The following MAPK10 variants were observed in gnomAD, a reference collection of about 807,000 sequenced individuals.
The protein encoded by MAPK10 is JNK3 alpha protein kinase.
A neutral mutation model predicts 59.3 loss-of-function variants in MAPK10; 25 were observed. The observed-to-expected ratio is 0.42, with a 90% CI of 0.31 to 0.59. The LOEUF is 0.59. MAPK10 is among the 20% of genes least tolerant of loss of function. MAPK10 has a pLI of 0.15. For synonymous variants in MAPK10, 190 were observed against 200.5 expected (o/e 0.95, Z 0.44); for missense variants, 351 against 568.9 (o/e 0.62, Z 3.90).
intron 1 of MAPK10, among the ~76,000 whole-genome samples, chr4:86,499,147 C>A (rs887504791): frequency 1.3e-5 from 2 of 152,184 alleles, no homozygotes; most frequent in Non-Finnish European, 2.9e-5. Context: ...AAACTCCTCC[C>A]AAAATCAGTG....
At chr4:86,589,990 A>G (rs1762919289) in intron 1 of MAPK10, among the ~76,000 whole-genome samples, 1 of 152,020 alleles carries the variant, frequency 6.6e-6, no homozygotes, top group Non-Finnish European at 1.5e-5. Context: ...TCTTAAAAAA[A>G]AAAAAAAAAG....
chr4:86,477,869 C>T (rs935842562), intron 1 of MAPK10, among the ~76,000 whole-genome samples: 10 of 152,296 alleles, frequency 6.6e-5, no homozygotes, highest in Non-Finnish European at 1.0e-4. Flanking sequence ...TTGCACCCTT[C>T]GTCCCAGCCT....
chr4:86,134,556 C>A (rs2061555176), intron 4 of MAPK10, among the ~76,000 whole-genome samples: 1 of 152,158 alleles, frequency 6.6e-6, no homozygotes, highest in South Asian at 2.1e-4. Context: ...AAGCTGATAA[C>A]AACATTCAGT....
chr4:86,345,169 T>C (rs1278330072), intron 2 of MAPK10, among the ~76,000 whole-genome samples: 5 of 152,328 alleles, frequency 3.3e-5, no homozygotes, highest in South Asian at 2.1e-4. Flanking sequence ...CCCTCTCTAA[T>C]AGCCTTCTGA....
chr4:86,266,154 C>T (rs1316553886), intron 2 of MAPK10, among the ~76,000 whole-genome samples: 3 of 152,092 alleles, frequency 2.0e-5, no homozygotes, highest in Non-Finnish European at 4.4e-5. Flanking sequence ...TAAGAAACAA[C>T]AGAGGAAGAG....
chr4:86,440,734 G>C (rs1029193170), intron 1 of MAPK10, among the ~76,000 whole-genome samples: 1 of 152,080 alleles, frequency 6.6e-6, no homozygotes, highest in Non-Finnish European at 1.5e-5. Flanking sequence ...GATGTTTCTG[G>C]TATGAGTCCA....
chr4:86,350,121 G>A (rs888185279), intron 2 of MAPK10, among the ~76,000 whole-genome samples: 2 of 152,052 alleles, frequency 1.3e-5, no homozygotes, highest in East Asian at 1.9e-4. Flanking sequence ...GTGCAATCTC[G>A]ATTCAATGCA....
intron 1 of MAPK10, among the ~76,000 whole-genome samples, chr4:86,554,799 T>C (rs1760126900): frequency 6.6e-6 from 1 of 152,218 alleles, no homozygotes; most frequent in African/African-American, 2.4e-5. Flanking sequence ...AGCTGCCCTA[T>C]AAAAGCCAAG....
At chr4:86,292,477 G>A (rs1172355249) in intron 2 of MAPK10, among the ~76,000 whole-genome samples, 1 of 152,138 alleles carries the variant, frequency 6.6e-6, no homozygotes, top group East Asian at 1.9e-4. Flanking sequence ...AACATTTTGG[G>A]AGACCGAGGT....
At chr4:86,092,811 C>T (rs559432011) in intron 9 of MAPK10, among the ~76,000 whole-genome samples, 9 of 152,158 alleles carry the variant, frequency 5.9e-5, no homozygotes, top group Admixed American at 5.9e-4. Flanking sequence ...GAGTTCTGTA[C>T]ACTAATGCTG....
At chr4:86,439,081 T>C (rs1026194411) in intron 1 of MAPK10, among the ~76,000 whole-genome samples, 1 of 152,230 alleles carries the variant, frequency 6.6e-6, no homozygotes, top group Non-Finnish European at 1.5e-5. Context: ...AATAGATTTT[T>C]ATTTTTATTT....
chr4:86,350,399 A>G (rs1730673269), intron 2 of MAPK10, among the ~76,000 whole-genome samples: 1 of 152,182 alleles, frequency 6.6e-6, no homozygotes, highest in South Asian at 2.1e-4. Context: ...TATTTTTAGT[A>G]GAGATGGGGT....
At chr4:86,281,685 T>C (rs1402328059) in intron 2 of MAPK10, among the ~76,000 whole-genome samples, 2 of 152,138 alleles carry the variant, frequency 1.3e-5, no homozygotes, top group African/African-American at 4.8e-5. Flanking sequence ...CCCACTGGAA[T>C]GTTGGCTCCT....
At chr4:86,028,000 C>T (rs981193409) in intron 13 of MAPK10, 1 of 152,190 alleles carries the variant, frequency 6.6e-6, no homozygotes, top group Non-Finnish European at 1.5e-5. Context: ...CTAGGTTACC[C>T]GTGGCTACAT....
rs962195034 is a variant in MAPK10 at position 86,306,623 on chromosome 4, T to C, written c.-7+47907A>G. Among the ~76,000 whole-genome samples, 34 of 152,298 alleles carry C rather than the reference T, an allele frequency of 2.2e-4. 1 individual carries two copies. The East Asian group carries it at 5.8e-3, about 26-fold the overall frequency. On this transcript the variant is annotated intron_variant, in intron 2 of 13. Transcript: ENST00000641462. ...CAGTGTAGTGTGCCCAGAAATATTA[T>C]AGAAAACAAAATATACACTATAATA...
At chr4:86,172,809 C>A in intron 3 of MAPK10, among the ~76,000 whole-genome samples, 1 of 149,690 alleles carries the variant, frequency 6.7e-6, no homozygotes, top group Non-Finnish European at 1.5e-5. Flanking sequence ...ACAAGCATTC[C>A]TATACACCAA....
intron 2 of MAPK10, among the ~76,000 whole-genome samples, chr4:86,199,944 G>C (rs2082249305): frequency 6.6e-6 from 1 of 151,786 alleles, no homozygotes; most frequent in Non-Finnish European, 1.5e-5. Context: ...TTAAACTACT[G>C]AATTAATAAA....
chr4:86,238,440 T>C (rs1268420469), intron 2 of MAPK10, among the ~76,000 whole-genome samples: 1 of 152,224 alleles, frequency 6.6e-6, no homozygotes, highest in African/African-American at 2.4e-5. Context: ...CTTTGGGCAG[T>C]ATGGCCATTT....
At chr4:86,168,518 C>T (rs1214634155) in intron 3 of MAPK10, among the ~76,000 whole-genome samples, 9 of 152,204 alleles carry the variant, frequency 5.9e-5, no homozygotes, top group South Asian at 2.1e-4. Flanking sequence ...GAGAGGCGCC[C>T]GCCATTGCCC....
Sources: gnomAD v4.1 joint callset for allele counts (sites outside exome capture counted in the v4.1 genomes callset) on GRCh38, gnomAD v4.1.1 for gene constraint, MANE v1.5 for transcripts, NCBI Gene and HGNC (gene_info 2026-07-23, HGNC 2026-07-21) for gene names.